UBASH3B: variants seen among roughly 807,000 people sequenced by gnomAD.
The protein encoded by UBASH3B is ubiquitin associated and SH3 domain containing B, also known as ubiquitin-associated and SH3 domain-containing protein B.
A neutral mutation model predicts 83.4 loss-of-function variants in UBASH3B; 37 were observed. The ratio of observed to expected loss-of-function variants is 0.44; its 90% CI spans 0.34 to 0.58. The LOEUF (loss-of-function observed/expected upper bound fraction) is 0.58, where lower values mean the gene tolerates loss of function less well. UBASH3B is among the 20% of genes least tolerant of loss of function. The probability of loss-of-function intolerance (pLI) is 0.01; values close to 1 mark genes in which losing one functional copy is unlikely to be tolerated. For synonymous variants in UBASH3B, 304 were observed against 318.3 expected, an observed-to-expected ratio of 0.96 and a Z score of 0.48; for missense variants, 657 against 827.2, an observed-to-expected ratio of 0.79 and a Z score of 2.52.
At chr11:122,785,697 T>C (rs1410003855) in intron 5 of UBASH3B, among the ~76,000 whole-genome samples, 1 of 152,224 alleles carries the variant, frequency 6.6e-6, no homozygotes, top group Non-Finnish European at 1.5e-5. Context: ...TCCATCACTT[T>C]AGCAAGGGTT....
At chr11:122,699,541 C>CTTTCTTTCTTTCTTTT (rs1864011640) in intron 1 of UBASH3B, among the ~76,000 whole-genome samples, 1 of 138,014 alleles carries the variant, frequency 7.2e-6, no homozygotes, top group African/African-American at 2.7e-5. Flanking sequence ...CTCTTTCTTT[C>CTTTCTTTCTTTCTTTT]TTTCTTTCTT....
intron 4 of UBASH3B, 73 bp downstream of exon 4, chr11:122,779,768 T>C (rs1860818072): frequency 6.4e-7 from 1 of 1,573,018 alleles, no homozygotes; most frequent in East Asian, 2.2e-5. Flanking sequence ...GGATAGGAAA[T>C]AGTGGTAGAG....
intron 13 of UBASH3B, among the ~76,000 whole-genome samples, chr11:122,809,205 G>T (rs886546946): frequency 6.6e-6 from 1 of 152,004 alleles, no homozygotes; most frequent in Non-Finnish European, 1.5e-5. Flanking sequence ...CTCCCACGTA[G>T]CTGGGATTAC....
intron 1 of UBASH3B, among the ~76,000 whole-genome samples, chr11:122,722,774 C>T (rs528137309): frequency 3.3e-5 from 5 of 151,212 alleles, no homozygotes; most frequent in African/African-American, 9.7e-5. Flanking sequence ...GGCATGATCT[C>T]GGCTCACTGC....
intron 9 of UBASH3B, 45 bp from the exon 10 acceptor site, chr11:122,798,897 C>CT: frequency 6.4e-7 from 1 of 1,567,148 alleles, no homozygotes; most frequent in African/African-American, 1.4e-5. Context: ...CAAGGTGAGA[C>CT]TGAGTAAATC....
At chr11:122,677,899 G>A (rs1041995607) in intron 1 of UBASH3B, among the ~76,000 whole-genome samples, 4 of 152,188 alleles carry the variant, frequency 2.6e-5, no homozygotes, top group Admixed American at 2.6e-4. Context: ...AGCCTCCTGA[G>A]TAGCTGGGAT....
At chr11:122,666,867 C>T (rs571267677) in intron 1 of UBASH3B, among the ~76,000 whole-genome samples, 1 of 151,450 alleles carries the variant, frequency 6.6e-6, no homozygotes, top group South Asian at 2.1e-4. Flanking sequence ...TTTCTCTTCC[C>T]CTCCTCTCTC....
chr11:122,715,244 C>T (rs1482237632), intron 1 of UBASH3B, among the ~76,000 whole-genome samples: 4 of 152,170 alleles, frequency 2.6e-5, no homozygotes, highest in Non-Finnish European at 2.9e-5. Context: ...TGCGCCCAGC[C>T]GAGATAAATG....
intron 1 of UBASH3B, among the ~76,000 whole-genome samples, chr11:122,721,446 A>G (rs1860636382): frequency 6.6e-6 from 1 of 152,062 alleles, no homozygotes; most frequent in Admixed American, 6.6e-5. Context: ...GCTTTCCCGT[A>G]TGATGATATT....
At chr11:122,803,544 T>TG (rs150596609) in intron 11 of UBASH3B, among the ~76,000 whole-genome samples, 7 of 151,824 alleles carry the variant, frequency 4.6e-5, no homozygotes, top group Non-Finnish European at 8.8e-5. Flanking sequence ...GCCCAGGGCC[T>TG]GGGGGGGTTG....
intron 1 of UBASH3B, among the ~76,000 whole-genome samples, chr11:122,690,184 A>ATATATATATCCAAT (rs1555135468): frequency 1.4e-4 from 3 of 21,206 alleles, no homozygotes; most frequent in African/African-American, 4.8e-4. Context: ...ATATATATAT[A>ATATATATATCCAAT]TATATATATA....
At chr11:122,682,354 T>C (rs1863752681) in intron 1 of UBASH3B, among the ~76,000 whole-genome samples, 1 of 152,178 alleles carries the variant, frequency 6.6e-6, no homozygotes, top group Admixed American at 6.5e-5. Context: ...TTATTTGATA[T>C]GGATGATAGT....
intron 9 of UBASH3B, among the ~76,000 whole-genome samples, chr11:122,797,922 T>C (rs138043171): frequency 6.6e-6 from 1 of 152,210 alleles, no homozygotes; most frequent in East Asian, 1.9e-4. Flanking sequence ...GCAAGATGGA[T>C]AAAGGCAAGT....
chr11:122,674,724 G>GT (rs35117227), intron 1 of UBASH3B, among the ~76,000 whole-genome samples: 18,640 of 112,054 alleles, frequency 0.17, 2,241 homozygotes, highest in Admixed American at 0.25. Context: ...TCTGCAGTTA[G>GT]TTTTTTTTTT....
chr11:122,660,593 C>T (rs1000548378), intron 1 of UBASH3B, among the ~76,000 whole-genome samples: 1 of 152,180 alleles, frequency 6.6e-6, no homozygotes, highest in South Asian at 2.1e-4. Flanking sequence ...CAGCCAGATC[C>T]GATGTCAGAG....
intron 1 of UBASH3B, among the ~76,000 whole-genome samples, chr11:122,750,216 C>T (rs552134154): frequency 2.8e-4 from 42 of 152,350 alleles, no homozygotes; most frequent in African/African-American, 9.4e-4. Flanking sequence ...GGGAACGGCT[C>T]ATCACCACTG....
chr11:122,761,778 CCT>C (rs1861373750), intron 1 of UBASH3B, among the ~76,000 whole-genome samples: 1 of 116,788 alleles, frequency 8.6e-6, no homozygotes, highest in Non-Finnish European at 1.7e-5. Context: ...TCTCCCAGAT[CCT>C]TTTTTTTTTT....
In UBASH3B at chr11:122,705,005, G is replaced by A. The variant is rs766045369; in HGVS notation, c.161+48795G>A. On this transcript the variant is annotated intron_variant, in intron 1 of 13. Transcript: ENST00000284273. ...TTTTCAGGCTCTAAGCCTTGTTACT[G>A]TAACTATGGGAGGGAGCAGGCACTA... 2.0e-4 allele frequency among the ~76,000 whole-genome samples: 30 copies of A among 152,312 alleles called. No individual in the cohort carries two copies. In the Middle Eastern group the frequency reaches 0.014, roughly 69 times the overall value.
chr11:122,694,337 G>T (rs564959672), intron 1 of UBASH3B, among the ~76,000 whole-genome samples: 1 of 152,052 alleles, frequency 6.6e-6, no homozygotes, highest in South Asian at 2.1e-4. Flanking sequence ...CTAATTTTCT[G>T]TTTATGGTAA....
Sources: allele counts gnomAD v4.1 joint callset (sites outside exome capture counted in the v4.1 genomes callset), GRCh38; gene constraint gnomAD v4.1.1; transcripts MANE v1.5; gene names NCBI Gene and HGNC (gene_info 2026-07-23, HGNC 2026-07-21).